Variants in APBA1 observed in about 807,000 individuals in gnomAD.
APBA1 encodes the protein amyloid beta precursor protein binding family A member 1.
In APBA1, 55 loss-of-function variants were observed where a neutral mutation model predicts 86.6. The ratio of observed to expected loss-of-function variants is 0.64; its 90% CI spans 0.51 to 0.80. APBA1 has a LOEUF of 0.80. APBA1 is among the 30% of genes least tolerant of loss of function. The pLI is 0.00. For synonymous variants in APBA1, 511 were observed against 493.9 expected (o/e 1.03, Z -0.46); for missense variants, 1,090 against 1,183.0 (o/e 0.92, Z 1.15).
chr9:69,590,222 A>G (rs1016944331), intron 1 of APBA1, among the ~76,000 whole-genome samples: 3 of 152,202 alleles, frequency 2.0e-5, no homozygotes, highest in Non-Finnish European at 4.4e-5. Flanking sequence ...GGGTGGGAAC[A>G]TGCTTTACCT....
intron 1 of APBA1, among the ~76,000 whole-genome samples, chr9:69,563,303 C>T (rs946166990): frequency 1.2e-4 from 18 of 150,244 alleles, no homozygotes; most frequent in Middle Eastern, 3.2e-3. Context: ...GCAAAATGGA[C>T]TTTGAAATTA....
At chr9:69,530,351 CACACACAT>C (rs1280041657) in intron 1 of APBA1, among the ~76,000 whole-genome samples, 64 of 137,702 alleles carry the variant, frequency 4.6e-4, no homozygotes, top group Admixed American at 7.5e-4. Flanking sequence ...CACACACACA[CACACACAT>C]GCAACACTAT....
intron 4 of APBA1, among the ~76,000 whole-genome samples, chr9:69,471,027 G>C (rs1835358728): frequency 1.3e-5 from 2 of 152,160 alleles, no homozygotes; most frequent in Admixed American, 1.3e-4. Flanking sequence ...CATAGCCTGG[G>C]TCTGCACTGC....
chr9:69,516,313 G>C lies in APBA1; in HGVS notation c.898C>G (p.Leu300Val). 1 of 1,587,940 alleles carries C rather than the reference G, an allele frequency of 6.3e-7. No homozygotes were observed. The highest frequency in any genetic ancestry group is 8.5e-7 in the Non-Finnish European group (1 of 1,173,314). The change falls in exon 2 of 13, where the codon CTG (leucine) becomes GTG (valine). Residue 300 changes from leucine (L) to valine (V), a missense_variant. Leu to Val is a conservative substitution (Grantham distance 32, BLOSUM62 1). Transcript: ENST00000265381. The surrounding 1 kb of genome is among the most constrained non-coding windows in gnomAD (Gnocchi z 7.3). ...CCGGCCGGGGTAGGGGGACGCTCCA[G>C]GTCCTGCTCGGCCTCAGGCATGTCC... ...AEDMPEAEQD[L>V]ERPPTPAGGR...
chr9:69,627,251 T>C (rs746514700), intron 1 of APBA1, among the ~76,000 whole-genome samples: 12 of 152,168 alleles, frequency 7.9e-5, no homozygotes, highest in Non-Finnish European at 1.6e-4. Context: ...TTGTTGTTGT[T>C]GTCATCTTAT....
At chr9:69,582,369 G>A (rs368177286) in intron 1 of APBA1, among the ~76,000 whole-genome samples, 35 of 152,210 alleles carry the variant, frequency 2.3e-4, no homozygotes, top group African/African-American at 6.5e-4. Context: ...CTTCTACTGC[G>A]GGACGGGTCG....
At chr9:69,657,141 G>A (rs777268946) in intron 1 of APBA1, among the ~76,000 whole-genome samples, 3 of 152,114 alleles carry the variant, frequency 2.0e-5, no homozygotes, top group African/African-American at 4.8e-5. Flanking sequence ...CACCGCGCCC[G>A]GCCTAACCGG....
At chr9:69,517,361 A>AGTT in intron 1 of APBA1, 82 bp from the exon 2 acceptor site, 2 of 1,270,252 alleles carry the variant, frequency 1.6e-6, no homozygotes, top group Non-Finnish European at 2.0e-6. Flanking sequence ...CATAAAAACA[A>AGTT]CTGCTATTGA....
At chr9:69,553,975 C>A (rs2133931322) in intron 1 of APBA1, among the ~76,000 whole-genome samples, 1 of 152,106 alleles carries the variant, frequency 6.6e-6, no homozygotes, top group African/African-American at 2.4e-5. Context: ...CAACAGAGAC[C>A]CCCTTGAGCC....
At chr9:69,468,682 A>AT (rs1191615883) in intron 4 of APBA1, among the ~76,000 whole-genome samples, 1 of 152,178 alleles carries the variant, frequency 6.6e-6, no homozygotes, top group Non-Finnish European at 1.5e-5. Flanking sequence ...TTTCTGTTCT[A>AT]TTTTACCAGC....
chr9:69,638,347 TCTC>T (rs1406101614), intron 1 of APBA1, among the ~76,000 whole-genome samples: 1 of 152,164 alleles, frequency 6.6e-6, no homozygotes, highest in African/African-American at 2.4e-5. Context: ...TTCAAGCAAT[TCTC>T]CTACCTCAGC....
intron 1 of APBA1, among the ~76,000 whole-genome samples, chr9:69,553,909 A>T (rs2133931261): frequency 6.6e-6 from 1 of 152,292 alleles, no homozygotes; most frequent in African/African-American, 2.4e-5. Context: ...ACTGAATCTT[A>T]TATGGTCTTA....
At chr9:69,455,624 G>A (rs1288559325) in intron 8 of APBA1, among the ~76,000 whole-genome samples, 2 of 152,158 alleles carry the variant, frequency 1.3e-5, no homozygotes, top group Non-Finnish European at 2.9e-5. Flanking sequence ...GGTGGGCAGT[G>A]CTCCTGCTGT....
rs140757174 is a variant in APBA1 at position 69,593,942 on chromosome 9, T to C, written c.-69-76663A>G. On this transcript the variant is annotated intron_variant, in intron 1 of 12. Coordinates refer to ENST00000265381, the MANE Select transcript of APBA1 (RefSeq NM_001163.4). ...TACTCAACTTTTACTTAACTTTCTA[T>C]AGATTCCAAGTTGGACTGAATGCAT... 3.3e-5 allele frequency among the ~76,000 whole-genome samples: 5 copies of C among 152,340 alleles called. No individual in the cohort carries two copies. The East Asian group carries it at 9.6e-4, about 29-fold the overall frequency.
chr9:69,620,348 A>T (rs1822791413), intron 1 of APBA1, among the ~76,000 whole-genome samples: 1 of 152,208 alleles, frequency 6.6e-6, no homozygotes, highest in Non-Finnish European at 1.5e-5. Context: ...CCAGCATGCC[A>T]GTGAGGTTGA....
chr9:69,644,090 T>C (rs1448502159), intron 1 of APBA1, among the ~76,000 whole-genome samples: 1 of 152,216 alleles, frequency 6.6e-6, no homozygotes, highest in East Asian at 1.9e-4. Context: ...TACTCTGCTT[T>C]ATTTTTCCTC....
chr9:69,566,824 T>C (rs1187615035), intron 1 of APBA1, among the ~76,000 whole-genome samples: 1 of 151,694 alleles, frequency 6.6e-6, no homozygotes, highest in Non-Finnish European at 1.5e-5. Context: ...CCACCCACCA[T>C]CACACACAAC....
intron 2 of APBA1, among the ~76,000 whole-genome samples, chr9:69,512,330 A>G (rs568274548): frequency 6.6e-6 from 1 of 152,272 alleles, no homozygotes; most frequent in Non-Finnish European, 1.5e-5. Flanking sequence ...TCTATATACA[A>G]CTCACCAGCA....
chr9:69,592,734 C>T (rs1235590257), intron 1 of APBA1, among the ~76,000 whole-genome samples: 8 of 152,148 alleles, frequency 5.3e-5, no homozygotes, highest in Admixed American at 3.9e-4. Flanking sequence ...CCCCTTCCAC[C>T]GTGATTGTAA....
Sources: gnomAD v4.1 joint callset for allele counts (sites outside exome capture counted in the v4.1 genomes callset) on GRCh38, gnomAD v4.1.1 for gene constraint, Gnocchi (gnomAD v3.1) non-coding constraint, MANE v1.5 for transcripts, NCBI Gene and HGNC (gene_info 2026-07-23, HGNC 2026-07-21) for gene names.